The following DNAJC24 variants were observed in gnomAD, a reference collection of about 807,000 sequenced individuals.
DNAJC24 encodes DnaJ heat shock protein family (Hsp40) member C24.
DNAJC24 carries 17 observed loss-of-function variants against 18.0 expected under a neutral mutation model. That is an observed-to-expected ratio of 0.94 (90% confidence interval 0.65 to 1.42). DNAJC24 has a LOEUF of 1.42. Ranked by LOEUF, DNAJC24 falls within the 40% of genes most tolerant of loss-of-function variation. DNAJC24 has a pLI of 0.00. For missense variants in DNAJC24, 158 were observed against 175.6 expected, an observed-to-expected ratio of 0.90 and a Z score of 0.57; for synonymous variants, 55 against 57.7, an observed-to-expected ratio of 0.95 and a Z score of 0.21.
At chr11:31,400,428 T>C (rs988262170) in intron 2 of DNAJC24, among the ~76,000 whole-genome samples, 2 of 152,168 alleles carry the variant, frequency 1.3e-5, no homozygotes, top group East Asian at 3.9e-4. Flanking sequence ...AGGACAATCC[T>C]AAGCAAAAAG....
intron 4 of DNAJC24, among the ~76,000 whole-genome samples, chr11:31,428,566 A>G (rs953482204): frequency 6.6e-6 from 1 of 152,172 alleles, no homozygotes; most frequent in Non-Finnish European, 1.5e-5. Context: ...GCTCCAGAAC[A>G]GGAGAAAAGT....
intron 4 of DNAJC24, chr11:31,429,457 A>G: frequency 2.6e-6 from 1 of 380,604 alleles, no homozygotes. Context: ...AAATAATGTG[A>G]CTGATAAGTT....
chr11:31,416,480 TC>T (rs1319657259), intron 3 of DNAJC24: 1 of 152,178 alleles, frequency 6.6e-6, no homozygotes, highest in East Asian at 1.9e-4. Flanking sequence ...GATGATTCTT[TC>T]AGGTGTTTTT....
chr11:31,401,501 C>T lies in DNAJC24; in HGVS notation c.112-13310C>T, dbSNP rs997417805. On this transcript the variant is annotated intron_variant, in intron 2 of 4. Transcript: ENST00000465995. Reference sequence around the variant, plus strand: ...ACTACCTCCCCCTCTTCCCCTTCCTCTGCCTACCTCTCCCATCCTCCTGCT... The same window carrying T: ...ACTACCTCCCCCTCTTCCCCTTCCTTTGCCTACCTCTCCCATCCTCCTGCT... Among the ~76,000 whole-genome samples, 3 of 151,876 alleles carry T rather than the reference C, an allele frequency of 2.0e-5. 1 individual carries two copies. In the South Asian group the frequency reaches 6.3e-4, roughly 32 times the overall value.
intron 2 of DNAJC24, among the ~76,000 whole-genome samples, chr11:31,393,558 T>C (rs575798783): frequency 1.2e-4 from 19 of 152,026 alleles, no homozygotes; most frequent in Non-Finnish European, 2.2e-4. Context: ...TCCCTCTTAC[T>C]CTCTCTTGGC....
At chr11:31,377,215 A>G (rs1448781867) in intron 2 of DNAJC24, among the ~76,000 whole-genome samples, 5 of 152,128 alleles carry the variant, frequency 3.3e-5, no homozygotes, top group Non-Finnish European at 7.4e-5. Context: ...GTGTTTAGAT[A>G]AAATATTGCT....
chr11:31,382,551 A>G (rs1379323854), intron 2 of DNAJC24, among the ~76,000 whole-genome samples: 1 of 152,210 alleles, frequency 6.6e-6, no homozygotes, highest in Non-Finnish European at 1.5e-5. Flanking sequence ...TGGGAAAATT[A>G]TATTTTGGAT....
intron 3 of DNAJC24, among the ~76,000 whole-genome samples, chr11:31,418,988 C>T (rs1184210163): frequency 6.6e-6 from 1 of 151,976 alleles, no homozygotes. Context: ...ATTTCTTAAA[C>T]TCAAAATAAG....
chr11:31,383,300 C>G (rs1405855895), intron 2 of DNAJC24, among the ~76,000 whole-genome samples: 1 of 152,072 alleles, frequency 6.6e-6, no homozygotes, highest in East Asian at 1.9e-4. Context: ...TTTAGTCTTT[C>G]TGGTGACCAG....
intron 2 of DNAJC24, among the ~76,000 whole-genome samples, chr11:31,387,402 G>C (rs1386721883): frequency 2.0e-5 from 3 of 151,864 alleles, no homozygotes; most frequent in Non-Finnish European, 4.4e-5. Context: ...GCTTAGCACA[G>C]AGAGAGAGAG....
chr11:31,396,428 A>G (rs550977109), intron 2 of DNAJC24: 9 of 356,362 alleles, frequency 2.5e-5, no homozygotes, highest in South Asian at 1.4e-4. Context: ...GCAAATTTTT[A>G]TAAGATTCTT....
At chr11:31,417,480 T>C (rs910899190) in intron 3 of DNAJC24, 1 of 152,066 alleles carries the variant, frequency 6.6e-6, no homozygotes, top group African/African-American at 2.4e-5. Flanking sequence ...AGAGTAATAA[T>C]TTGTTAAAGA....
In DNAJC24 at chr11:31,429,616, C is replaced by T. The variant is rs137865113; in HGVS notation, c.320-655C>T. On this transcript the variant is annotated intron_variant, in intron 4 of 4. Coordinates refer to ENST00000465995, the MANE Select transcript of DNAJC24 (RefSeq NM_181706.5). ...ACGATCAGGAGCCTAAGTATTGCAC[C>T]GTATTGCCTCCTTTGGGCATCTCAC... 82 of 279,360 alleles carry T rather than the reference C, an allele frequency of 2.9e-4. No homozygotes were observed. In the East Asian group the frequency reaches 6.6e-3, roughly 22 times the overall value. 17.3% of individuals were successfully genotyped at this position (279,360 alleles called of 1,614,324 possible).
chr11:31,408,662 G>C (rs1401005362), intron 2 of DNAJC24, among the ~76,000 whole-genome samples: 1 of 152,090 alleles, frequency 6.6e-6, no homozygotes, highest in Non-Finnish European at 1.5e-5. Flanking sequence ...TATATCTTTT[G>C]TAGTACCATG....
chr11:31,410,026 G>C (rs2133493863), intron 2 of DNAJC24, among the ~76,000 whole-genome samples: 1 of 149,750 alleles, frequency 6.7e-6, no homozygotes, highest in African/African-American at 2.5e-5. Flanking sequence ...TGGGACTACT[G>C]GTGCGTGCCA....
At chr11:31,426,830 C>G (rs1367547008) in intron 4 of DNAJC24, 3 of 139,450 alleles carry the variant, frequency 2.2e-5, no homozygotes, top group Non-Finnish European at 4.6e-5. Context: ...TTTTTTTTAA[C>G]GCTCACATAC....
intron 2 of DNAJC24, among the ~76,000 whole-genome samples, chr11:31,377,988 A>G (rs933555144): frequency 6.6e-6 from 1 of 152,132 alleles, no homozygotes; most frequent in Admixed American, 6.5e-5. Context: ...ATGGTTATAT[A>G]TAGATTAGCT....
rs542681697 is a variant in DNAJC24 at position 31,399,659 on chromosome 11, G to T, written c.112-15152G>T. ...GAACCCCTGACCTCGTGATCTGCCCGCCTCGGCCTCCCAAAGTGCTGGGGT... is the reference window on the plus strand; with the variant it reads ...GAACCCCTGACCTCGTGATCTGCCCTCCTCGGCCTCCCAAAGTGCTGGGGT... On this transcript the variant is annotated intron_variant, in intron 2 of 4. Transcript: ENST00000465995. 5.6e-4 allele frequency among the ~76,000 whole-genome samples: 83 copies of T among 147,736 alleles called. 1 individual carries two copies. The highest frequency in any genetic ancestry group is 1.9e-3 in the African/African-American group (77 of 40,044).
At chr11:31,403,203 T>G (rs1232849393) in intron 2 of DNAJC24, among the ~76,000 whole-genome samples, 1 of 151,914 alleles carries the variant, frequency 6.6e-6, no homozygotes, top group Non-Finnish European at 1.5e-5. Context: ...AATGCTCTTC[T>G]AGTTGTGTTA....
Sources: allele counts gnomAD v4.1 joint callset (sites outside exome capture counted in the v4.1 genomes callset), GRCh38; gene constraint gnomAD v4.1.1; transcripts MANE v1.5; gene names NCBI Gene and HGNC (gene_info 2026-07-23, HGNC 2026-07-21).